FSHR: variants seen among roughly 807,000 people sequenced by gnomAD.
FSHR encodes the protein follicle stimulating hormone receptor.
Under a neutral mutation model 52.1 loss-of-function variants are expected in FSHR, and 46 were observed. The ratio of observed to expected loss-of-function variants is 0.88; its 90% CI spans 0.70 to 1.13. The LOEUF (loss-of-function observed/expected upper bound fraction) is 1.13, where lower values mean the gene tolerates loss of function less well. Ranked by LOEUF, FSHR falls within the 50% of genes most tolerant of loss-of-function variation. The probability of loss-of-function intolerance (pLI) is 0.00; values close to 1 mark genes in which losing one functional copy is unlikely to be tolerated. For missense variants in FSHR, 964 were observed against 834.6 expected (o/e 1.16, Z -1.91); for synonymous variants, 399 against 309.6 (o/e 1.29, Z -3.03).
chr2:48,989,165 T>C, intron 5 of FSHR, 111 bp from the exon 6 acceptor site: 2 of 752,478 alleles, frequency 2.7e-6, no homozygotes, highest in East Asian at 2.7e-5. Context: ...AATGTATTAA[T>C]ATAACTAGTT....
Position 48,963,455 on chromosome 2 carries a change from A to G in FSHR, c.1366T>C (p.Ser456Pro), listed in dbSNP as rs1273286010. The stretch of plus-strand genomic sequence containing the variant: ...GTGATAGCTGTCAGAGTGTAGACTG[A>G]CAGCTCACTGGCAAAGACAGTGAAA... ...GFFTVFASEL[S>P]VYTLTAITLE... is the part of the protein sequence containing the mutation. The change falls in exon 10 of 10, where the codon TCA becomes CCA. Residue 456 changes from serine (S) to proline (P), a missense_variant. Physicochemically the swap from Ser to Pro is moderately conservative, Grantham distance 74. Coordinates refer to ENST00000406846, the MANE Select transcript of FSHR (RefSeq NM_000145.4). The G allele has an allele frequency of 6.2e-7, 1 of 1,614,042 alleles. No homozygotes were observed. The highest frequency in any genetic ancestry group is 1.3e-5 in the African/African-American group (1 of 74,928).
Position 49,142,386 on chromosome 2 carries a change from T to C in FSHR, c.152+11880A>G, listed in dbSNP as rs547338500. Among the ~76,000 whole-genome samples, 78 of 151,962 alleles carry C rather than the reference T, an allele frequency of 5.1e-4. No individual in the cohort carries two copies. In the South Asian group the frequency reaches 0.016, roughly 31 times the overall value. ...AAGATGTGAAGAGGAAAGAGAAAAATAGATCTAAGGTAGGAAAGAGCCTAG... is the reference window on the plus strand; with the variant it reads ...AAGATGTGAAGAGGAAAGAGAAAAACAGATCTAAGGTAGGAAAGAGCCTAG... On this transcript the variant is annotated intron_variant, in intron 1 of 9. Transcript: ENST00000406846.
rs138246525 is a variant in FSHR at position 48,968,894 on chromosome 2, A to G, written c.669-11T>C. 62 of 1,611,734 alleles carry G rather than the reference A, an allele frequency of 3.8e-5. No individual in the cohort carries two copies. In the East Asian group the frequency reaches 1.4e-3, roughly 36 times the overall value. ...GTTCTTGAAATATCTCTATAAAGAGAAAAGGTAAATATAACAGGATTACTA... is the reference window on the plus strand; with the variant it reads ...GTTCTTGAAATATCTCTATAAAGAGGAAAGGTAAATATAACAGGATTACTA... On this transcript the variant is annotated splice_polypyrimidine_tract_variant and intron_variant, in intron 8 of 9. Transcript: ENST00000406846.
At chr2:49,056,309 CA>C (rs1669060232) in intron 2 of FSHR, among the ~76,000 whole-genome samples, 1 of 151,482 alleles carries the variant, frequency 6.6e-6, no homozygotes, top group African/African-American at 2.4e-5. Context: ...TCCTTATAAA[CA>C]AAACCCTAAA....
rs533174297 is a variant in FSHR at position 49,111,359 on chromosome 2, C to G, written c.152+42907G>C. Among the ~76,000 whole-genome samples, 14 of 152,238 alleles carry G rather than the reference C, an allele frequency of 9.2e-5. No homozygotes were observed. In the East Asian group the frequency reaches 1.9e-3, roughly 21 times the overall value. On this transcript the variant is annotated intron_variant, in intron 1 of 9. Coordinates refer to ENST00000406846, the MANE Select transcript of FSHR (RefSeq NM_000145.4). ...GTCCATTCTTCTCCCCAGGTGTTTT[C>G]GCCTTTAAAATGCTTTTGGTCTTTG...
At chr2:49,018,691 G>T (rs1260579795) in intron 3 of FSHR, among the ~76,000 whole-genome samples, 1 of 152,204 alleles carries the variant, frequency 6.6e-6, no homozygotes, top group Non-Finnish European at 1.5e-5. Context: ...AAGTAATGGG[G>T]AGAGGGAGGG....
intron 2 of FSHR, among the ~76,000 whole-genome samples, chr2:49,034,951 G>A (rs1162038814): frequency 6.6e-6 from 1 of 152,164 alleles, no homozygotes. Context: ...AGCCAGCAAA[G>A]GTGTTTTATT....
At chr2:49,004,519 C>T (rs1470896817) in intron 4 of FSHR, among the ~76,000 whole-genome samples, 1 of 152,122 alleles carries the variant, frequency 6.6e-6, no homozygotes, top group Admixed American at 6.5e-5. Flanking sequence ...CTGGGAGCCC[C>T]AGATTCATGA....
chr2:48,969,390 C>T (rs907279331), intron 8 of FSHR, among the ~76,000 whole-genome samples: 8 of 152,200 alleles, frequency 5.3e-5, no homozygotes, highest in Non-Finnish European at 1.0e-4. Context: ...GCAGTGTTAG[C>T]ACAAAGTCCA....
chr2:49,025,838 T>A (rs1667895403), intron 2 of FSHR, among the ~76,000 whole-genome samples: 1 of 152,228 alleles, frequency 6.6e-6, no homozygotes, highest in Non-Finnish European at 1.5e-5. Context: ...AGATTGGCTA[T>A]CTGGTCTGCT....
chr2:49,001,868 T>C (rs1666901481), intron 4 of FSHR, among the ~76,000 whole-genome samples: 2 of 152,232 alleles, frequency 1.3e-5, no homozygotes, highest in African/African-American at 2.4e-5. Flanking sequence ...TTATATCAAC[T>C]ATGTAATCTC....
intron 9 of FSHR, among the ~76,000 whole-genome samples, chr2:48,967,509 A>G (rs1211390017): frequency 6.6e-6 from 1 of 152,228 alleles, no homozygotes; most frequent in Non-Finnish European, 1.5e-5. Flanking sequence ...AATATAAAAG[A>G]GGCAAGCCAC....
intron 1 of FSHR, among the ~76,000 whole-genome samples, chr2:49,151,267 G>A (rs186837697): frequency 9.8e-4 from 148 of 151,644 alleles, no homozygotes; most frequent in Non-Finnish European, 1.8e-3. Flanking sequence ...GGAGCTGCAG[G>A]GATAATTGCC....
intron 1 of FSHR, among the ~76,000 whole-genome samples, chr2:49,084,722 T>C (rs377452345): frequency 9.9e-5 from 15 of 152,202 alleles, no homozygotes; most frequent in African/African-American, 3.6e-4. Flanking sequence ...AACACCTCTA[T>C]GCAAATAAAC....
At chr2:49,044,331 C>T (rs1453053900) in intron 2 of FSHR, among the ~76,000 whole-genome samples, 1 of 152,170 alleles carries the variant, frequency 6.6e-6, no homozygotes, top group Non-Finnish European at 1.5e-5. Flanking sequence ...GGAACCCTCT[C>T]GCCTTCCCAC....
chr2:49,084,396 A>G (rs528392142), intron 1 of FSHR, among the ~76,000 whole-genome samples: 171 of 152,344 alleles, frequency 1.1e-3, no homozygotes, highest in Non-Finnish European at 1.6e-3. Flanking sequence ...GAAAGTAGGA[A>G]AGATTCACAG....
chr2:49,135,748 CAATT>C (rs905690209), intron 1 of FSHR, among the ~76,000 whole-genome samples: 2 of 152,100 alleles, frequency 1.3e-5, no homozygotes, highest in Non-Finnish European at 2.9e-5. Flanking sequence ...ATAACATAAA[CAATT>C]AACACATTCT....
At chr2:49,107,680 AT>A (rs1671279619) in intron 1 of FSHR, among the ~76,000 whole-genome samples, 1 of 152,190 alleles carries the variant, frequency 6.6e-6, no homozygotes, top group Admixed American at 6.5e-5. Flanking sequence ...GGTAGGCTTT[AT>A]ATTCTTATGT....
At chr2:49,038,977 T>G (rs1324217082) in intron 2 of FSHR, among the ~76,000 whole-genome samples, 5 of 152,178 alleles carry the variant, frequency 3.3e-5, no homozygotes, top group Non-Finnish European at 7.3e-5. Flanking sequence ...TGTACGTGTA[T>G]TTGAGAACGT....
Sources: gnomAD v4.1 joint callset for allele counts (sites outside exome capture counted in the v4.1 genomes callset) on GRCh38, gnomAD v4.1.1 for gene constraint, MANE v1.5 for transcripts, NCBI Gene and HGNC (gene_info 2026-07-23, HGNC 2026-07-21) for gene names.